The following MCTP1 variants were observed in gnomAD, a reference collection of about 807,000 sequenced individuals.
The protein encoded by MCTP1 is multiple C2 and transmembrane domain containing 1, also known as multiple C2 and transmembrane domain-containing protein 1.
Under a neutral mutation model 120.6 loss-of-function variants are expected in MCTP1, and 69 were observed. That is an observed-to-expected ratio of 0.57 (90% CI 0.47 to 0.70). The LOEUF (loss-of-function observed/expected upper bound fraction) is 0.70. Ranked by LOEUF, MCTP1 falls within the 30% of genes least tolerant of loss-of-function variation. The pLI is 0.00. For missense variants in MCTP1, 1,203 were observed against 1,248.8 expected (o/e 0.96, Z 0.55); for synonymous variants, 529 against 493.1 (o/e 1.07, Z -0.96).
intron 1 of MCTP1, among the ~76,000 whole-genome samples, chr5:95,253,637 A>T (rs546195528): frequency 6.6e-6 from 1 of 152,110 alleles, no homozygotes; most frequent in Non-Finnish European, 1.5e-5. Flanking sequence ...ACTAAAGAAC[A>T]CATCTTTAGA....
chr5:94,918,751 G>A (rs74937113), intron 7 of MCTP1, among the ~76,000 whole-genome samples: 1 of 152,180 alleles, frequency 6.6e-6, no homozygotes, highest in East Asian at 1.9e-4. Flanking sequence ...ACTGGATTAG[G>A]GCAGTCAGAA....
intron 8 of MCTP1, among the ~76,000 whole-genome samples, chr5:94,914,132 A>G (rs1378790365): frequency 6.6e-6 from 1 of 152,236 alleles, no homozygotes; most frequent in Non-Finnish European, 1.5e-5. Flanking sequence ...GAAAGTAACT[A>G]AATGTGAAAA....
rs1263845318 is a variant in MCTP1, at chr5:95,038,206, A to G, written c.721-20722T>C. ...GGTATAACTAAAACATGAACATGGA[A>G]TTAATCATGGAGCCTGGCACAAAGT... On this transcript the variant is annotated intron_variant, in intron 1 of 22. Coordinates refer to ENST00000515393, the MANE Select transcript of MCTP1 (RefSeq NM_024717.7). 8 of 609,672 alleles carry G rather than the reference A, an allele frequency of 1.3e-5. No individual in the cohort carries two copies. In the African/African-American group the frequency reaches 1.6e-4, roughly 12 times the overall value. 37.8% of individuals were successfully genotyped at this position (609,672 alleles called of 1,614,324 possible).
intron 18 of MCTP1, among the ~76,000 whole-genome samples, chr5:94,790,381 C>G (rs1014842386): frequency 1.3e-5 from 2 of 152,226 alleles, no homozygotes; most frequent in African/African-American, 4.8e-5. Flanking sequence ...CAGACTATGC[C>G]TTTATTAAGG....
At chr5:94,942,911 A>C (rs993512841) in intron 3 of MCTP1, among the ~76,000 whole-genome samples, 6 of 152,270 alleles carry the variant, frequency 3.9e-5, no homozygotes, top group Non-Finnish European at 8.8e-5. Context: ...GTTAAGTTAA[A>C]ATAAAGTTTT....
intron 7 of MCTP1, among the ~76,000 whole-genome samples, chr5:94,920,559 A>G (rs973436936): frequency 2.6e-5 from 4 of 151,816 alleles, no homozygotes; most frequent in East Asian, 1.9e-4. Context: ...TGGCTAACAC[A>G]TGAAACCCCG....
intron 1 of MCTP1, among the ~76,000 whole-genome samples, chr5:95,272,755 A>G (rs1759506216): frequency 6.6e-6 from 1 of 152,216 alleles, no homozygotes; most frequent in South Asian, 2.1e-4. Context: ...ATTCCCACAG[A>G]GAAAGCAAGG....
At chr5:95,262,470 T>C (rs1758550714) in intron 1 of MCTP1, among the ~76,000 whole-genome samples, 2 of 151,964 alleles carry the variant, frequency 1.3e-5, no homozygotes, top group African/African-American at 2.4e-5. Flanking sequence ...AAATCAGACA[T>C]AAAAATAATA....
rs1170958013 is a variant in MCTP1, at chr5:95,284,424, G to A, written c.152C>T (p.Ala51Val). 6.4e-7 allele frequency: 1 copy of A among 1,558,692 alleles called. No homozygotes were observed. Among genetic ancestry groups the A allele is most frequent in the Non-Finnish European group, 8.6e-7 (1 of 1,160,684 alleles). Residue 51 changes from alanine (A) to valine (V), a missense_variant, in exon 1 of 23, where the codon GCG (alanine) becomes GTG (valine). Coordinates refer to ENST00000515393, the MANE Select transcript of MCTP1 (RefSeq NM_024717.7). The surrounding 1 kb of genome is among the most constrained non-coding windows in gnomAD (Gnocchi z 5.2). ...GRAGGPERRT[A>V]DTPSPSPPPP... is the part of the protein sequence containing the mutation. The stretch of plus-strand genomic sequence containing the variant: ...TGGCGGGGAGGGCGACGGGGTGTCC[G>A]CAGTGCGGCGCTCTGGACCCCCAGC...
At chr5:94,807,191 A>G (rs1782525366) in intron 17 of MCTP1, among the ~76,000 whole-genome samples, 1 of 152,234 alleles carries the variant, frequency 6.6e-6, no homozygotes, top group Non-Finnish European at 1.5e-5. Flanking sequence ...CTAACAGAGA[A>G]CATTTGGTAT....
intron 11 of MCTP1, among the ~76,000 whole-genome samples, chr5:94,890,869 TCTA>T (rs980049084): frequency 6.6e-6 from 1 of 152,344 alleles, no homozygotes; most frequent in African/African-American, 2.4e-5. Flanking sequence ...GATCAGCACT[TCTA>T]CTCTGTAAAT....
intron 1 of MCTP1, among the ~76,000 whole-genome samples, chr5:95,174,058 A>G (rs1415344942): frequency 6.6e-6 from 1 of 152,218 alleles, no homozygotes; most frequent in Non-Finnish European, 1.5e-5. Context: ...AGAAGGCCCA[A>G]TATCAAATTG....
intron 1 of MCTP1, 96 bp downstream of exon 1, chr5:95,283,760 T>TCCCGGCC (rs1473495840): frequency 2.0e-6 from 2 of 995,350 alleles, no homozygotes; most frequent in Admixed American, 4.1e-5. Context: ...TCCTCCCGCC[T>TCCCGGCC]CCCGGCCCCC....
At chr5:95,208,017 G>A (rs548934502) in intron 1 of MCTP1, among the ~76,000 whole-genome samples, 3 of 139,154 alleles carry the variant, frequency 2.2e-5, no homozygotes, top group African/African-American at 7.7e-5. Context: ...GGGAGAGAGA[G>A]GGAGAGAGAG....
chr5:94,736,639 A>G (rs1438210872), intron 19 of MCTP1, among the ~76,000 whole-genome samples: 1 of 152,204 alleles, frequency 6.6e-6, no homozygotes, highest in African/African-American at 2.4e-5. Context: ...CCAAAATGCC[A>G]GCCTCTTTCA....
intron 1 of MCTP1, among the ~76,000 whole-genome samples, chr5:95,277,333 G>A (rs1294561913): frequency 1.3e-5 from 2 of 152,148 alleles, no homozygotes; most frequent in Non-Finnish European, 2.9e-5. Context: ...CTTCTTGTCT[G>A]CCCAAGAACC....
intron 1 of MCTP1, among the ~76,000 whole-genome samples, chr5:95,162,184 T>C (rs145919078): frequency 1.3e-5 from 2 of 152,178 alleles, no homozygotes; most frequent in Non-Finnish European, 2.9e-5. Context: ...GACAAACCCA[T>C]AATGTTTATA....
At chr5:94,826,448 G>C (rs1426339705) in intron 17 of MCTP1, 11 of 678,632 alleles carry the variant, frequency 1.6e-5, no homozygotes, top group Non-Finnish European at 2.5e-5. Flanking sequence ...GGTTCTTCAG[G>C]AACACAGAAG....
chr5:95,009,636 TTAAC>T (rs1406917757), intron 2 of MCTP1, among the ~76,000 whole-genome samples: 2 of 151,894 alleles, frequency 1.3e-5, no homozygotes, highest in East Asian at 3.9e-4. Flanking sequence ...AAATTTAAAT[TTAAC>T]TAGGCATCAT....
Sources: gnomAD v4.1 joint callset for allele counts (sites outside exome capture counted in the v4.1 genomes callset) on GRCh38, gnomAD v4.1.1 for gene constraint, Gnocchi (gnomAD v3.1) non-coding constraint, MANE v1.5 for transcripts, NCBI Gene and HGNC (gene_info 2026-07-23, HGNC 2026-07-21) for gene names.